Variants in TDRD10 observed in about 807,000 individuals in gnomAD.
The protein encoded by TDRD10 is tudor domain containing 10.
Under a neutral mutation model 48.0 loss-of-function variants are expected in TDRD10, and 40 were observed. The observed-to-expected ratio is 0.83, with a 90% CI of 0.65 to 1.09. The LOEUF (loss-of-function observed/expected upper bound fraction) is 1.09. TDRD10 is among the 50% of genes least tolerant of loss of function. The pLI, the probability that TDRD10 is intolerant of heterozygous loss-of-function variation, is 0.00. For synonymous variants in TDRD10, 162 were observed against 170.4 expected (o/e 0.95, Z 0.38); for missense variants, 378 against 434.7 (o/e 0.87, Z 1.16).
intron 6 of TDRD10, among the ~76,000 whole-genome samples, chr1:154,523,368 C>G (rs945527144): frequency 6.6e-6 from 1 of 152,246 alleles, no homozygotes; most frequent in African/African-American, 2.4e-5. Flanking sequence ...GAATGGTTCT[C>G]AAGCTTTAAC....
intron 6 of TDRD10, among the ~76,000 whole-genome samples, chr1:154,526,241 A>T (rs1278206668): frequency 6.7e-6 from 1 of 148,876 alleles, no homozygotes; most frequent in Non-Finnish European, 1.5e-5. Context: ...TTATTGAAAT[A>T]AAAAAAAAAT....
intron 6 of TDRD10, among the ~76,000 whole-genome samples, chr1:154,528,798 AGAG>A (rs1298459925): frequency 7.3e-6 from 1 of 136,696 alleles, no homozygotes; most frequent in Non-Finnish European, 1.6e-5. Flanking sequence ...CTTGGGCTAC[AGAG>A]TAAGACTCTG....
intron 4 of TDRD10, among the ~76,000 whole-genome samples, chr1:154,516,734 C>T (rs1434715349): frequency 1.3e-5 from 2 of 152,086 alleles, no homozygotes; most frequent in African/African-American, 2.4e-5. Context: ...ATTGCTTGAG[C>T]TTAGGAGTTT....
At chr1:154,538,858 G>C (rs536578631) in intron 6 of TDRD10, among the ~76,000 whole-genome samples, 2 of 120,626 alleles carry the variant, frequency 1.7e-5, no homozygotes, top group Non-Finnish European at 3.8e-5. Flanking sequence ...ATCTCACGGT[G>C]CTTTGTTATG....
rs1400027322 is a variant in TDRD10, at chr1:154,504,062, G to C, written c.-28+1033G>C. Among the ~76,000 whole-genome samples the C allele has an allele frequency of 3.9e-5, 6 of 152,220 alleles. 1 individual carries two copies. Among genetic ancestry groups the C allele is most frequent in the Admixed American group, 3.9e-4 (6 of 15,284 alleles). On this transcript the variant is annotated intron_variant, in intron 1 of 12. Coordinates refer to ENST00000368482, the MANE Select transcript of TDRD10 (RefSeq NM_182499.4). ...TTCCCTCTCCGCCTTCCCAGTCCTAGACAGCCACTAATCTACTTTCTGTCT... is the reference window on the plus strand; with the variant it reads ...TTCCCTCTCCGCCTTCCCAGTCCTACACAGCCACTAATCTACTTTCTGTCT...
At chr1:154,510,591 C>CA (rs1413596262) in intron 4 of TDRD10, among the ~76,000 whole-genome samples, 2 of 151,242 alleles carry the variant, frequency 1.3e-5, no homozygotes, top group African/African-American at 2.4e-5. Context: ...GACTCCATCT[C>CA]AAAAAAACAA....
At chr1:154,507,134 G>C (rs1275994571) in intron 2 of TDRD10, 107 bp from the exon 3 acceptor site, 3 of 1,555,556 alleles carry the variant, frequency 1.9e-6, no homozygotes, top group Non-Finnish European at 2.6e-6. Context: ...CTTTGGTCAG[G>C]AAGGGGAATG....
At chr1:154,544,627 C>T in intron 10 of TDRD10, 110 bp downstream of exon 10, 2 of 1,487,466 alleles carry the variant, frequency 1.3e-6, no homozygotes, top group South Asian at 2.7e-5. Context: ...GGCTTCTTCT[C>T]TCAAAATCAT....
rs1693263973 is a variant in TDRD10 at position 154,508,348 on chromosome 1, C to G, written c.83-75C>G. ...TGGGCAACATAGAGAGACCCTGTCT[C>G]TATCCTGTATTCTGACTCCTCTGAA... is the stretch of plus-strand genomic sequence containing the variant. On this transcript the variant is annotated intron_variant, in intron 3 of 12. Coordinates refer to ENST00000368482, the MANE Select transcript of TDRD10 (RefSeq NM_182499.4). 16 of 1,019,324 alleles carry G rather than the reference C, an allele frequency of 1.6e-5. No individual in the cohort carries two copies. In the East Asian group the frequency reaches 3.6e-4, roughly 23 times the overall value. 63.1% of individuals were successfully genotyped at this position (1,019,324 alleles called of 1,614,324 possible).
intron 2 of TDRD10, 107 bp from the exon 3 acceptor site, chr1:154,507,134 G>A (rs1275994571): frequency 1.0e-5 from 16 of 1,555,674 alleles, no homozygotes; most frequent in Admixed American, 5.7e-5. Flanking sequence ...CTTTGGTCAG[G>A]AAGGGGAATG....
chr1:154,544,460 G>A lies in TDRD10; in HGVS notation c.740G>A (p.Arg247His), dbSNP rs371232372. The change falls in exon 10 of 13, where the codon CGC (arginine) becomes CAC (histidine). Residue 247 changes from arginine to histidine, a missense_variant. Transcript: ENST00000368482. ...QPYLEGSTVM[R>H]GTRCLAEYHL... ...TACCTGGAGGGCTCCACCGTTATGC[G>A]CGGGACTCGCTGTCTGGCAGAGTAC... 2.2e-5 allele frequency: 35 copies of A among 1,613,162 alleles called. No individual in the cohort carries two copies. Among genetic ancestry groups the A allele is most frequent in the East Asian group, 4.5e-5 (2 of 44,880 alleles).
At chr1:154,507,794 G>T (rs1251953950) in intron 3 of TDRD10, among the ~76,000 whole-genome samples, 1 of 152,060 alleles carries the variant, frequency 6.6e-6, no homozygotes, top group African/African-American at 2.4e-5. Context: ...AATCCACCTG[G>T]CACCTAGTCC....
chr1:154,511,270 AT>A (rs772915054), intron 4 of TDRD10, among the ~76,000 whole-genome samples: 1 of 150,948 alleles, frequency 6.6e-6, no homozygotes, highest in African/African-American at 2.4e-5. Context: ...ATGCCTGGCT[AT>A]TTTTTTGTGT....
intron 1 of TDRD10, among the ~76,000 whole-genome samples, chr1:154,506,469 G>A (rs546671426): frequency 2.6e-5 from 4 of 150,994 alleles, no homozygotes; most frequent in African/African-American, 4.9e-5. Context: ...TCTGCCTCCC[G>A]AGTTCAAGCA....
At chr1:154,528,290 C>T (rs539307984) in intron 6 of TDRD10, among the ~76,000 whole-genome samples, 9 of 151,500 alleles carry the variant, frequency 5.9e-5, no homozygotes, top group Admixed American at 2.0e-4. Context: ...GTGGCGTGAT[C>T]TTCATTCACT....
chr1:154,502,538 G>A lies in TDRD10; in HGVS notation c.-519G>A, dbSNP rs1692840602. ...GGGGTGAGCGCCATGGCAGAGGCGG[G>A]TCGGGCTGCGAGCTCTGGAGAAAGG... On this transcript the variant is annotated 5_prime_UTR_variant, in exon 1 of 13. Coordinates refer to ENST00000368482, the MANE Select transcript of TDRD10 (RefSeq NM_182499.4). The A allele has an allele frequency of 1.3e-5, 2 of 152,218 alleles. No homozygotes were observed. The highest frequency in any genetic ancestry group is 6.5e-5 in the Admixed American group (1 of 15,284). 9.4% of individuals were successfully genotyped at this position (152,218 alleles called of 1,614,324 possible). A position where few individuals can be genotyped will look rare whatever the true frequency, so the allele number is the denominator to read the frequency against.
intron 6 of TDRD10, 120 bp from the exon 7 acceptor site, chr1:154,541,904 C>T (rs1421914972): frequency 1.1e-5 from 10 of 910,734 alleles, no homozygotes; most frequent in South Asian, 3.5e-5. Context: ...GCTCTAAAGT[C>T]GGAGTCAGAA....
At chr1:154,503,146 T>C (rs1288483477) in intron 1 of TDRD10, 117 bp downstream of exon 1, 1 of 152,254 alleles carries the variant, frequency 6.6e-6, no homozygotes, top group Non-Finnish European at 1.5e-5. Flanking sequence ...GGGGTCGCTG[T>C]TCCCGCGGGG....
chr1:154,512,623 C>T (rs1220629853), intron 4 of TDRD10, among the ~76,000 whole-genome samples: 2 of 152,038 alleles, frequency 1.3e-5, no homozygotes, highest in African/African-American at 2.4e-5. Context: ...GGATTACAGG[C>T]GAGAGGTACT....
Sources: gnomAD v4.1 joint callset for allele counts (sites outside exome capture counted in the v4.1 genomes callset) on GRCh38, gnomAD v4.1.1 for gene constraint, MANE v1.5 for transcripts, NCBI Gene and HGNC (gene_info 2026-07-23, HGNC 2026-07-21) for gene names.